CTBP2: variants seen among roughly 807,000 people sequenced by gnomAD.
The protein encoded by CTBP2 is C-terminal binding protein 2, also known as C-terminal-binding protein 2.
CTBP2 carries 30 observed loss-of-function variants against 80.3 expected under a neutral mutation model. The ratio of observed to expected loss-of-function variants is 0.37; its 90% CI spans 0.28 to 0.51. CTBP2 has a LOEUF of 0.51. CTBP2 is among the 20% of genes least tolerant of loss of function. CTBP2 has a pLI of 0.93. For synonymous variants in CTBP2, 594 were observed against 587.4 expected (o/e 1.01, Z -0.16); for missense variants, 1,212 against 1,375.3 (o/e 0.88, Z 1.88).
intron 1 of CTBP2, among the ~76,000 whole-genome samples, chr10:125,152,689 A>G (rs1433035486): frequency 6.6e-6 from 1 of 152,146 alleles, no homozygotes; most frequent in Non-Finnish European, 1.5e-5. Flanking sequence ...TATACTCTTT[A>G]TTGATTGCCC....
At chr10:125,082,274 G>C (rs1030778545) in intron 2 of CTBP2, among the ~76,000 whole-genome samples, 1 of 152,190 alleles carries the variant, frequency 6.6e-6, no homozygotes, top group Non-Finnish European at 1.5e-5. Context: ...GCCTCGCCTT[G>C]GAGATGTGGC....
chr10:125,043,444 T>A (rs1960406423), intron 2 of CTBP2, among the ~76,000 whole-genome samples: 1 of 151,938 alleles, frequency 6.6e-6, no homozygotes, highest in African/African-American at 2.4e-5. Context: ...TTCTATTTCT[T>A]TTTCTTTTTT....
chr10:125,076,087 A>T (rs1189237079), intron 2 of CTBP2, among the ~76,000 whole-genome samples: 9 of 152,224 alleles, frequency 5.9e-5, no homozygotes, highest in Non-Finnish European at 1.3e-4. Flanking sequence ...GTACACAGAA[A>T]TGAACTACTC....
chr10:125,059,473 T>G (rs528762331), intron 2 of CTBP2, among the ~76,000 whole-genome samples: 1 of 152,072 alleles, frequency 6.6e-6, no homozygotes, highest in South Asian at 2.1e-4. Flanking sequence ...TCCCAGCTAC[T>G]CGGGAGGCTG....
intron 2 of CTBP2, among the ~76,000 whole-genome samples, chr10:125,047,125 A>G (rs934143341): frequency 6.6e-6 from 1 of 152,206 alleles, no homozygotes; most frequent in Non-Finnish European, 1.5e-5. Flanking sequence ...AATAAACTGT[A>G]TATTAGTTTT....
intron 2 of CTBP2, among the ~76,000 whole-genome samples, chr10:125,080,889 C>G (rs1376357122): frequency 6.6e-6 from 1 of 151,422 alleles, no homozygotes; most frequent in Non-Finnish European, 1.5e-5. Flanking sequence ...AAGGGCACAG[C>G]GCTGCCTCCC....
At chr10:125,106,109 G>A (rs1295222468) in intron 2 of CTBP2, among the ~76,000 whole-genome samples, 1 of 152,198 alleles carries the variant, frequency 6.6e-6, no homozygotes, top group Non-Finnish European at 1.5e-5. Flanking sequence ...GGCCTGTCTA[G>A]GGCACAAGGG....
At chr10:125,117,667 T>C (rs1365347370) in intron 1 of CTBP2, among the ~76,000 whole-genome samples, 2 of 152,200 alleles carry the variant, frequency 1.3e-5, no homozygotes, top group African/African-American at 4.8e-5. Context: ...GAACAGGGTG[T>C]ACCCGAGAGG....
rs1332585511 is a variant in CTBP2 at position 124,993,186 on chromosome 10, G to A, written c.2659+16C>T. 1.3e-6 allele frequency: 2 copies of A among 1,587,610 alleles called. No individual in the cohort carries two copies. Among genetic ancestry groups the A allele is most frequent in the Non-Finnish European group, 1.7e-6 (2 of 1,160,058 alleles). The stretch of plus-strand genomic sequence containing the variant: ...TGAGGCTGCCCTTGGCAGGCCAGAG[G>A]CACGGAGGGGCTCACCTGTGATGGC... On this transcript the variant is annotated intron_variant, in intron 7 of 8. Coordinates refer to ENST00000309035, the MANE Select transcript of CTBP2 (RefSeq NM_022802.3).
intron 3 of CTBP2, among the ~76,000 whole-genome samples, chr10:125,035,082 C>T (rs920347821): frequency 2.6e-5 from 4 of 152,196 alleles, no homozygotes; most frequent in Admixed American, 6.5e-5. Context: ...GAAGAGCCCG[C>T]GACACAGAAG....
intron 2 of CTBP2, among the ~76,000 whole-genome samples, chr10:125,098,668 G>GAC (rs1849983861): frequency 1.2e-5 from 1 of 85,676 alleles, no homozygotes; most frequent in African/African-American, 5.3e-5. Flanking sequence ...GAGAGAGAGA[G>GAC]AGAGAGAGAG....
At chr10:125,060,579 A>G (rs1245000961) in intron 2 of CTBP2, among the ~76,000 whole-genome samples, 1 of 152,144 alleles carries the variant, frequency 6.6e-6, no homozygotes, top group African/African-American at 2.4e-5. Context: ...GTTGTGGAAG[A>G]GAATGGCAAT....
intron 1 of CTBP2, among the ~76,000 whole-genome samples, chr10:125,113,885 C>T (rs1590862833): frequency 6.6e-6 from 1 of 152,250 alleles, no homozygotes; most frequent in Non-Finnish European, 1.5e-5. Context: ...ACGGCGACAG[C>T]TTATTTAGTG....
intron 1 of CTBP2, among the ~76,000 whole-genome samples, chr10:125,145,800 G>A (rs1250359718): frequency 2.6e-5 from 4 of 152,178 alleles, no homozygotes; most frequent in South Asian, 2.1e-4. Flanking sequence ...ATTTGCAATT[G>A]AAGAATATGA....
At chr10:125,160,110 C>T (rs1021439591) in intron 1 of CTBP2, 2 of 150,152 alleles carry the variant, frequency 1.3e-5, no homozygotes, top group Non-Finnish European at 3.0e-5. Context: ...GAGCCAGCGT[C>T]CACCCCCGGG....
intron 2 of CTBP2, among the ~76,000 whole-genome samples, chr10:125,070,837 G>T (rs377435033): frequency 6.6e-6 from 1 of 151,762 alleles, no homozygotes; most frequent in Admixed American, 6.6e-5. Context: ...GGCTAATTTT[G>T]TATTTTTAGT....
At chr10:124,990,442 C>T (rs1053859596) in intron 8 of CTBP2, among the ~76,000 whole-genome samples, 64 of 152,142 alleles carry the variant, frequency 4.2e-4, no homozygotes, top group Non-Finnish European at 8.2e-4. Flanking sequence ...TTCATAAAAA[C>T]AAAACTAGTC....
intron 2 of CTBP2, among the ~76,000 whole-genome samples, chr10:125,082,679 G>A (rs753457673): frequency 5.4e-5 from 8 of 149,398 alleles, no homozygotes; most frequent in Non-Finnish European, 8.9e-5. Context: ...CCTCCGCCTC[G>A]TGGGATCAAG....
At chr10:125,037,351 G>A (rs894719091) in intron 3 of CTBP2, among the ~76,000 whole-genome samples, 8 of 152,240 alleles carry the variant, frequency 5.3e-5, no homozygotes, top group African/African-American at 1.9e-4. Flanking sequence ...AATCCTGGGT[G>A]CAGGGGGTGG....
Sources: allele counts gnomAD v4.1 joint callset (sites outside exome capture counted in the v4.1 genomes callset), GRCh38; gene constraint gnomAD v4.1.1; transcripts MANE v1.5; gene names NCBI Gene and HGNC (gene_info 2026-07-23, HGNC 2026-07-21).